RREB1: variants seen among roughly 807,000 people sequenced by gnomAD.
RREB1 encodes ras responsive element binding protein 1.
A neutral mutation model predicts 117.8 loss-of-function variants in RREB1; 27 were observed. That is an observed-to-expected ratio of 0.23 (90% CI 0.17 to 0.32). The LOEUF (loss-of-function observed/expected upper bound fraction) is 0.32. Ranked by LOEUF, RREB1 falls within the 10% of genes least tolerant of loss-of-function variation. The pLI, the probability that RREB1 is intolerant of heterozygous loss-of-function variation, is 1.00. For missense variants in RREB1, 2,577 were observed against 2,378.2 expected (o/e 1.08, Z -1.74); for synonymous variants, 1,298 against 1,026.7 (o/e 1.26, Z -5.05).
intron 1 of RREB1, among the ~76,000 whole-genome samples, chr6:7,123,306 C>T (rs751978270): frequency 1.3e-5 from 2 of 152,036 alleles, no homozygotes; most frequent in African/African-American, 2.4e-5. Flanking sequence ...TCTGTACAGG[C>T]GCGTGCCGCC....
chr6:7,190,831 C>CT (rs1169560298), intron 6 of RREB1, among the ~76,000 whole-genome samples: 2 of 152,206 alleles, frequency 1.3e-5, no homozygotes, highest in Non-Finnish European at 2.9e-5. Flanking sequence ...GAATCTGGTC[C>CT]TAGAGGTATT....
chr6:7,134,877 A>G (rs1283163831), intron 1 of RREB1, among the ~76,000 whole-genome samples: 2 of 152,242 alleles, frequency 1.3e-5, no homozygotes, highest in African/African-American at 4.8e-5. Context: ...ACGCCACTGT[A>G]TGACAAGTTA....
chr6:7,129,666 A>G (rs1762072905), intron 1 of RREB1, among the ~76,000 whole-genome samples: 1 of 152,208 alleles, frequency 6.6e-6, no homozygotes. Flanking sequence ...GCTGAATCAC[A>G]TACTTTGCTT....
chr6:7,218,667 A>C lies in RREB1; in HGVS notation c.707+6958A>C, dbSNP rs200695277. The C allele has an allele frequency of 1.1e-4, 17 of 152,146 alleles. No individual in the cohort carries two copies. The East Asian group carries it at 3.1e-3, about 28-fold the overall frequency. 9.4% of individuals were successfully genotyped at this position (152,146 alleles called of 1,614,324 possible). ...TTAACAGTGATAGTTATTCCTGATAAGTACCTTAACTCTGCTGTGAGGTAT... is the reference window on the plus strand; with the variant it reads ...TTAACAGTGATAGTTATTCCTGATACGTACCTTAACTCTGCTGTGAGGTAT... On this transcript the variant is annotated intron_variant, in intron 8 of 12. Coordinates refer to ENST00000379938, the MANE Select transcript of RREB1 (RefSeq NM_001003699.4).
rs369977151 is a variant in RREB1, at chr6:7,113,844, G to A, written c.-285+5784G>A. Among the ~76,000 whole-genome samples, 10 of 152,294 alleles carry A rather than the reference G, an allele frequency of 6.6e-5. 1 individual carries two copies. The East Asian group carries it at 7.7e-4, about 12-fold the overall frequency. The stretch of plus-strand genomic sequence containing the variant: ...GGTAGCATTTCTGTTGATGAACTGT[G>A]ATGACATGTATCTTTTTAGTAGCCT... On this transcript the variant is annotated intron_variant, in intron 1 of 12. Coordinates refer to ENST00000379938, the MANE Select transcript of RREB1 (RefSeq NM_001003699.4).
intron 1 of RREB1, among the ~76,000 whole-genome samples, chr6:7,159,779 C>T (rs1456602607): frequency 1.3e-5 from 2 of 152,194 alleles, no homozygotes; most frequent in Non-Finnish European, 2.9e-5. Flanking sequence ...TGCTGAGGGT[C>T]AGACCACTGC....
At chr6:7,182,384 T>G (rs764639563) in intron 4 of RREB1, among the ~76,000 whole-genome samples, 2 of 152,246 alleles carry the variant, frequency 1.3e-5, no homozygotes, top group Admixed American at 6.5e-5. Flanking sequence ...ATCACTGATT[T>G]CTGTGATGTG....
intron 1 of RREB1, among the ~76,000 whole-genome samples, chr6:7,134,815 T>C (rs2113365432): frequency 6.6e-6 from 1 of 152,276 alleles, no homozygotes; most frequent in African/African-American, 2.4e-5. Flanking sequence ...GTCAGGAAAA[T>C]AACGATTAGA....
At chr6:7,163,710 G>A (rs1468916268) in intron 1 of RREB1, among the ~76,000 whole-genome samples, 1 of 152,174 alleles carries the variant, frequency 6.6e-6, no homozygotes, top group Admixed American at 6.5e-5. Flanking sequence ...CGTTTTAGTT[G>A]TGGGGCTGGC....
intron 9 of RREB1, 87 bp from the exon 10 acceptor site, chr6:7,228,907 TACA>T: frequency 2.5e-6 from 3 of 1,220,494 alleles, no homozygotes; most frequent in Non-Finnish European, 2.2e-6. Context: ...GGGATAAATG[TACA>T]ACAAATACTT....
intron 1 of RREB1, among the ~76,000 whole-genome samples, chr6:7,152,946 A>AT (rs1253383987): frequency 6.6e-6 from 1 of 152,158 alleles, no homozygotes; most frequent in Non-Finnish European, 1.5e-5. Context: ...GTCCTATGCG[A>AT]TTCTCTTACA....
Position 7,130,800 on chromosome 6 carries a change from A to G in RREB1, c.-285+22740A>G, listed in dbSNP as rs9505046. The stretch of plus-strand genomic sequence containing the variant: ...CCCAGCTAACTTTTGTATGTTTAGT[A>G]GAGATGGGGTTTTACCATGTCGGCC... On this transcript the variant is annotated intron_variant, in intron 1 of 12. Coordinates refer to ENST00000379938, the MANE Select transcript of RREB1 (RefSeq NM_001003699.4). Among the ~76,000 whole-genome samples the G allele has an allele frequency of 4.5e-3, 680 of 151,974 alleles. 6 individuals are homozygous for G. The highest frequency in any genetic ancestry group is 0.017 in the Middle Eastern group (5 of 294).
At chr6:7,188,427 A>G (rs1765217751) in intron 5 of RREB1, among the ~76,000 whole-genome samples, 1 of 151,974 alleles carries the variant, frequency 6.6e-6, no homozygotes, top group African/African-American at 2.4e-5. Flanking sequence ...ATTTTTTTAT[A>G]TTTTTAGTAG....
upstream of RREB1, chr6:7,107,815 G>C (rs1369990613): frequency 6.5e-6 from 1 of 153,558 alleles, no homozygotes; most frequent in East Asian, 1.9e-4. Context: ...GAGGAAGCTG[G>C]GCGGGGGGCC....
chr6:7,135,461 T>C (rs1452997032), intron 1 of RREB1, among the ~76,000 whole-genome samples: 1 of 152,214 alleles, frequency 6.6e-6, no homozygotes, highest in Admixed American at 6.5e-5. Flanking sequence ...CTTCATTCTC[T>C]TGTGGTTCCA....
At chr6:7,241,007 C>T (rs1021853396) in intron 11 of RREB1, among the ~76,000 whole-genome samples, 4 of 152,274 alleles carry the variant, frequency 2.6e-5, no homozygotes, top group African/African-American at 9.6e-5. Flanking sequence ...GCCGCTGCAG[C>T]CTCCTCGGGA....
At chr6:7,123,545 A>G (rs1339613229) in intron 1 of RREB1, among the ~76,000 whole-genome samples, 1 of 150,768 alleles carries the variant, frequency 6.6e-6, no homozygotes, top group African/African-American at 2.4e-5. Context: ...ATGTTTTGGA[A>G]TTTTAGTGAG....
At position 7,230,441 on chromosome 6, in the gene RREB1, G is replaced by A; in HGVS notation, c.2342G>A (p.Gly781Asp). Residue 781 changes from glycine to aspartate, a missense_variant, in exon 10 of 13, where the codon GGC becomes GAC. By Grantham distance (94) the Gly-to-Asp change is moderately conservative. Transcript: ENST00000379938. ...HMRTHCGRGL[G>D]GGHKGRKPFE... ...CGCACGCACTGCGGCCGCGGCCTGG[G>A]CGGGGGCCACAAGGGCCGCAAGCCC... is the stretch of plus-strand genomic sequence containing the variant. 6.3e-7 allele frequency: 1 copy of A among 1,592,308 alleles called. No individual in the cohort carries two copies. Among genetic ancestry groups the A allele is most frequent in the Non-Finnish European group, 8.5e-7 (1 of 1,175,540 alleles).
In RREB1 at chr6:7,247,138, A is replaced by G; in HGVS notation, c.4688A>G (p.Asp1563Gly). 2 of 1,613,938 alleles carry G rather than the reference A, an allele frequency of 1.2e-6. No homozygotes were observed. The highest frequency in any genetic ancestry group is 1.3e-5 in the African/African-American group (1 of 75,042). The change falls in exon 12 of 13, where the codon GAC becomes GGC. Residue 1563 changes from aspartate (D) to glycine (G), a missense_variant. Coordinates refer to ENST00000379938, the MANE Select transcript of RREB1 (RefSeq NM_001003699.4). ...CCCAAAAGCGTGGCCAGCAAGGCAG[A>G]CAAGAGGAAGAAGGTCTGCAGCGTG... Reference protein sequence around the residue: ...DSPKSVASKADKRKKVCSVCN... With the variant: ...DSPKSVASKAGKRKKVCSVCN...
Sources: allele counts gnomAD v4.1 joint callset (sites outside exome capture counted in the v4.1 genomes callset), GRCh38; gene constraint gnomAD v4.1.1; transcripts MANE v1.5; gene names NCBI Gene and HGNC (gene_info 2026-07-23, HGNC 2026-07-21).